PRSS12: variants seen among roughly 807,000 people sequenced by gnomAD.
PRSS12 encodes the protein serine protease 12.
In PRSS12, 85 loss-of-function variants were observed where a neutral mutation model predicts 104.4. That is an observed-to-expected ratio of 0.81 (90% CI 0.68 to 0.98). The LOEUF is 0.98. PRSS12 is among the 50% of genes least tolerant of loss of function. The pLI, the probability that PRSS12 is intolerant of heterozygous loss-of-function variation, is 0.00. For synonymous variants in PRSS12, 454 were observed against 425.2 expected (o/e 1.07, Z -0.83); for missense variants, 1,141 against 1,139.2 (o/e 1.00, Z -0.02).
chr4:118,337,805 T>A (rs1246259163), intron 2 of PRSS12, among the ~76,000 whole-genome samples: 1 of 151,974 alleles, frequency 6.6e-6, no homozygotes. Context: ...ATAATTATAA[T>A]TAATTCATTA....
At chr4:118,314,406 C>T (rs1282687919) in intron 6 of PRSS12, among the ~76,000 whole-genome samples, 2 of 151,910 alleles carry the variant, frequency 1.3e-5, no homozygotes, top group Admixed American at 1.3e-4. Flanking sequence ...GCTTCTCTTC[C>T]TTCTATTTTG....
intron 1 of PRSS12, among the ~76,000 whole-genome samples, chr4:118,340,129 A>G (rs1432621087): frequency 3.3e-5 from 5 of 152,174 alleles, no homozygotes; most frequent in Non-Finnish European, 5.9e-5. Context: ...TGAGAAGGAG[A>G]AAATCCTGAG....
intron 8 of PRSS12, chr4:118,303,766 G>A (rs1662359527): frequency 6.6e-6 from 1 of 151,906 alleles, no homozygotes; most frequent in African/African-American, 2.4e-5. Context: ...TAATCTTGCT[G>A]CTATCAAGAT....
intron 1 of PRSS12, among the ~76,000 whole-genome samples, chr4:118,344,763 T>C (rs1244257587): frequency 2.6e-5 from 4 of 152,198 alleles, no homozygotes; most frequent in Non-Finnish European, 4.4e-5. Context: ...ATAAATCTTA[T>C]AAATTATTCC....
chr4:118,291,775 G>C (rs1314858809), intron 11 of PRSS12, among the ~76,000 whole-genome samples: 1 of 152,112 alleles, frequency 6.6e-6, no homozygotes, highest in Admixed American at 6.6e-5. Context: ...ACCCAAGACT[G>C]AATTAATTTC....
intron 8 of PRSS12, among the ~76,000 whole-genome samples, chr4:118,305,144 T>TATATAC (rs1743514405): frequency 6.6e-6 from 1 of 150,620 alleles, no homozygotes; most frequent in African/African-American, 2.4e-5. Flanking sequence ...CACATATATA[T>TATATAC]ATATACTGAA....
chr4:118,343,000 C>T (rs1724255892), intron 1 of PRSS12, among the ~76,000 whole-genome samples: 1 of 152,182 alleles, frequency 6.6e-6, no homozygotes, highest in Non-Finnish European at 1.5e-5. Context: ...TTCTCTTTAA[C>T]CATCTTATCA....
In PRSS12 at chr4:118,313,328, G is replaced by A; in HGVS notation, c.1362C>T (p.Ser454=). 1 of 1,614,116 alleles carries A rather than the reference G, an allele frequency of 6.2e-7. No homozygotes were observed. Among genetic ancestry groups the A allele is most frequent in the Non-Finnish European group, 8.5e-7 (1 of 1,179,994 alleles). The change falls in exon 7 of 13, where the codon AGC becomes AGT. Residue 454 remains serine, a synonymous_variant. Transcript: ENST00000296498. The part of the protein sequence containing the change: ...STGPIWLDDV[S]CSGKETRFLQ... ...GAAATCTGGTTTCCTTTCCTGAGCA[G>A]CTGACGTCATCCAACCATATGGGCC... is the stretch of plus-strand genomic sequence containing the variant.
intron 4 of PRSS12, among the ~76,000 whole-genome samples, chr4:118,326,435 C>T (rs1723773077): frequency 1.3e-5 from 2 of 152,176 alleles, no homozygotes; most frequent in Non-Finnish European, 2.9e-5. Flanking sequence ...AACAGAGGCT[C>T]AAAAGTTAAA....
At chr4:118,305,594 T>C (rs1271441094) in intron 8 of PRSS12, among the ~76,000 whole-genome samples, 1 of 152,164 alleles carries the variant, frequency 6.6e-6, no homozygotes, top group Non-Finnish European at 1.5e-5. Context: ...TTCCTTGTGT[T>C]CTTTTCTGAG....
At chr4:118,304,767 T>C (rs972987129) in intron 8 of PRSS12, among the ~76,000 whole-genome samples, 4 of 152,006 alleles carry the variant, frequency 2.6e-5, no homozygotes, top group Non-Finnish European at 1.5e-5. Flanking sequence ...CAATAAATAA[T>C]GCCTTTTACT....
intron 11 of PRSS12, among the ~76,000 whole-genome samples, chr4:118,288,965 T>C (rs1303711998): frequency 1.3e-5 from 2 of 152,204 alleles, no homozygotes; most frequent in Non-Finnish European, 2.9e-5. Flanking sequence ...GCTTGTTACA[T>C]TGGCATGGAA....
At chr4:118,296,341 C>T (rs1010113025) in intron 9 of PRSS12, among the ~76,000 whole-genome samples, 3 of 152,174 alleles carry the variant, frequency 2.0e-5, no homozygotes, top group Admixed American at 6.5e-5. Flanking sequence ...TTTACATTTA[C>T]TTAGCATGTC....
At chr4:118,321,757 G>T (rs915658011) in intron 4 of PRSS12, among the ~76,000 whole-genome samples, 1 of 152,206 alleles carries the variant, frequency 6.6e-6, no homozygotes, top group South Asian at 2.1e-4. Context: ...AAAAAGTAAA[G>T]TTGGGGGAAT....
intron 11 of PRSS12, among the ~76,000 whole-genome samples, chr4:118,285,785 G>T (rs915242536): frequency 6.6e-6 from 1 of 151,926 alleles, no homozygotes; most frequent in East Asian, 1.9e-4. Flanking sequence ...ATTATTTAAA[G>T]TACTTTGACC....
At chr4:118,294,826 C>G in intron 11 of PRSS12, 113 bp downstream of exon 11, 2 of 1,434,562 alleles carry the variant, frequency 1.4e-6, no homozygotes, top group Non-Finnish European at 1.9e-6. Context: ...CTGGCACAAG[C>G]AGCGAAAGCT....
At chr4:118,331,454 C>G (rs7675332) in intron 4 of PRSS12, among the ~76,000 whole-genome samples, 2 of 152,014 alleles carry the variant, frequency 1.3e-5, no homozygotes, top group African/African-American at 4.8e-5. Flanking sequence ...CTGGGAGTAA[C>G]GTAAAGACTA....
In PRSS12 at chr4:118,316,165, T is replaced by G; in HGVS notation, c.1292+17A>C. The G allele has an allele frequency of 6.2e-7, 1 of 1,613,876 alleles. No individual in the cohort carries two copies. Reference sequence around the variant, plus strand: ...ATAATCTGGCATTTAACTGCCTTTATAATTAATGAACCTTACTTAAATCCC... The same window carrying G: ...ATAATCTGGCATTTAACTGCCTTTAGAATTAATGAACCTTACTTAAATCCC... On this transcript the variant is annotated intron_variant, in intron 6 of 12. Coordinates refer to ENST00000296498, the MANE Select transcript of PRSS12 (RefSeq NM_003619.4).
Position 118,338,294 on chromosome 4 carries a change from C to T in PRSS12, c.523G>A (p.Gly175Ser), listed in dbSNP as rs145151396. The change falls in exon 2 of 13, where the codon GGC (glycine) becomes AGC (serine). Residue 175 changes from glycine (G) to serine (S), a missense_variant. Gly to Ser is a moderately conservative substitution (Grantham distance 56). Transcript: ENST00000296498. Reference sequence around the variant, plus strand: ...ACTGTGCCTTCAAACTCATTTTTGCCGCCACGAAGTCGTACTGATCCTAAA... The same window carrying T: ...ACTGTGCCTTCAAACTCATTTTTGCTGCCACGAAGTCGTACTGATCCTAAA... ...CRHGSVRLRG[G>S]KNEFEGTVEV... 2,660 of 1,613,920 alleles carry T rather than the reference C, an allele frequency of 1.6e-3. 18 individuals are homozygous for T. Among genetic ancestry groups the T allele is most frequent in the Middle Eastern group, 8.6e-3 (52 of 6,060 alleles).
Sources: allele counts gnomAD v4.1 joint callset (sites outside exome capture counted in the v4.1 genomes callset), GRCh38; gene constraint gnomAD v4.1.1; transcripts MANE v1.5; gene names NCBI Gene and HGNC (gene_info 2026-07-23, HGNC 2026-07-21).